Variants in SAFB2 observed in about 807,000 individuals in gnomAD.
SAFB2 encodes scaffold attachment factor B2.
Under a neutral mutation model 100.6 loss-of-function variants are expected in SAFB2, and 32 were observed. The observed-to-expected ratio is 0.32, with a 90% CI of 0.24 to 0.43. The LOEUF (loss-of-function observed/expected upper bound fraction) is 0.43. SAFB2 is among the 20% of genes least tolerant of loss of function. The probability of loss-of-function intolerance (pLI) is 1.00; values close to 1 mark genes in which losing one functional copy is unlikely to be tolerated. For missense variants in SAFB2, 1,185 were observed against 1,163.4 expected, an observed-to-expected ratio of 1.02 and a Z score of -0.27; for synonymous variants, 500 against 439.4, an observed-to-expected ratio of 1.14 and a Z score of -1.72.
chr19:5,610,894 G>A (rs935479388), intron 7 of SAFB2: 2 of 793,436 alleles, frequency 2.5e-6, no homozygotes, highest in South Asian at 3.9e-5. Flanking sequence ...TTTAGCTGAA[G>A]ATAACAATTA....
Position 5,594,162 on chromosome 19 carries a change from C to G in SAFB2, c.1936G>C (p.Glu646Gln), listed in dbSNP as rs778384530. 6.9e-6 allele frequency: 11 copies of G among 1,597,274 alleles called. No homozygotes were observed. The highest frequency in any genetic ancestry group is 9.3e-6 in the Non-Finnish European group (11 of 1,177,412). The change falls in exon 15 of 21, where the codon GAG becomes CAG. Residue 646 changes from glutamate (E) to glutamine (Q), a missense_variant. Transcript: ENST00000252542. ...TERRREREQR[E>Q]REQRLEAFHE... The stretch of plus-strand genomic sequence containing the variant: ...AAGGCCTCGAGGCGTTGCTCCCGCT[C>G]CCGCTGCTCGCGCTCCCTGCGGGGA...
chr19:5,618,536 T>G (rs1262212250), intron 2 of SAFB2, among the ~76,000 whole-genome samples: 1 of 152,226 alleles, frequency 6.6e-6, no homozygotes, highest in Non-Finnish European at 1.5e-5. Flanking sequence ...GCAGGTTTTA[T>G]TATCTGCATT....
intron 13 of SAFB2, 121 bp from the exon 14 acceptor site, chr19:5,595,618 T>A: frequency 1.6e-6 from 2 of 1,261,472 alleles, no homozygotes; most frequent in East Asian, 2.5e-5. Flanking sequence ...GATGGAAGGC[T>A]GTGGTCTCCA....
chr19:5,617,413 T>C (rs934488689), intron 2 of SAFB2, among the ~76,000 whole-genome samples: 9 of 152,148 alleles, frequency 5.9e-5, no homozygotes, highest in African/African-American at 2.2e-4. Flanking sequence ...AGTGGAAACC[T>C]TGAGAAGAAA....
At chr19:5,602,787 C>G (rs2052690897) in intron 11 of SAFB2, among the ~76,000 whole-genome samples, 1 of 152,190 alleles carries the variant, frequency 6.6e-6, no homozygotes, top group African/African-American at 2.4e-5. Context: ...CGCAAGATAC[C>G]AAGAACACCG....
chr19:5,592,770 C>T lies in SAFB2; in HGVS notation c.2325G>A (p.Gln775=), dbSNP rs774370639. 3.1e-6 allele frequency: 5 copies of T among 1,614,066 alleles called. No homozygotes were observed. Among genetic ancestry groups the T allele is most frequent in the Non-Finnish European group, 4.2e-6 (5 of 1,180,036 alleles). The change falls in exon 16 of 21, where the codon CAG becomes CAA. Residue 775 remains glutamine (Q), a synonymous_variant. Transcript: ENST00000252542. ...ACCTGTCGATGGCGTGGTCCTGGTACTGGCCCCGGTCTCGATGATCGAAGT... is the reference window on the plus strand; with the variant it reads ...ACCTGTCGATGGCGTGGTCCTGGTATTGGCCCCGGTCTCGATGATCGAAGT... ...FHDFDHRDRG[Q]YQDHAIDRRE...
At position 5,588,060 on chromosome 19, in the gene SAFB2, T is replaced by A; in HGVS notation, c.2526-80A>T. On this transcript the variant is annotated intron_variant, in intron 18 of 20. Transcript: ENST00000252542. ...GGCAGCAGGCGCACCCACCCTGACC[T>A]CAGCTGCATGGTGGGTCATGCCACA... The A allele has an allele frequency of 4.8e-6, 6 of 1,257,476 alleles. No individual in the cohort carries two copies. The South Asian group carries it at 7.1e-5, about 15-fold the overall frequency. 77.9% of individuals were successfully genotyped at this position (1,257,476 alleles called of 1,614,324 possible).
Position 5,611,527 on chromosome 19 carries a change from G to A in SAFB2, c.738C>T (p.Ser246=). Residue 246 remains serine (S), a synonymous_variant, in exon 7 of 21, where the codon AGC becomes AGT. Coordinates refer to ENST00000252542, the MANE Select transcript of SAFB2 (RefSeq NM_014649.3). Reference sequence around the variant, plus strand: ...CCGCAAGCTTTCTGTCTGGCCCCACGCTACTTGTGTCCTGTGCAAATGGCT... The same window carrying A: ...CCGCAAGCTTTCTGTCTGGCCCCACACTACTTGTGTCCTGTGCAAATGGCT... ...LEQPFAQDTS[S]VGPDRKLAEE... The A allele has an allele frequency of 2.2e-6, 1 of 454,528 alleles. No individual in the cohort carries two copies. The highest frequency in any genetic ancestry group is 4.8e-5 in the Admixed American group (1 of 20,804). 28.2% of individuals were successfully genotyped at this position (454,528 alleles called of 1,614,324 possible).
chr19:5,591,626 G>A (rs1429736298), intron 17 of SAFB2, 122 bp downstream of exon 17: 13 of 855,578 alleles, frequency 1.5e-5, no homozygotes, highest in Admixed American at 4.4e-5. Flanking sequence ...TTGCATACCC[G>A]CCACACGTGC....
At chr19:5,589,584 C>A (rs2052343437) in intron 18 of SAFB2, among the ~76,000 whole-genome samples, 1 of 152,118 alleles carries the variant, frequency 6.6e-6, no homozygotes. Flanking sequence ...TGCCACCAGC[C>A]TCCTCACGGC....
intron 15 of SAFB2, 68 bp from the exon 16 acceptor site, chr19:5,592,955 G>A (rs2052446309): frequency 2.0e-6 from 3 of 1,512,612 alleles, no homozygotes; most frequent in Admixed American, 1.8e-5. Flanking sequence ...AAAGGAGGAG[G>A]TGGAGGTGGG....
intron 13 of SAFB2, among the ~76,000 whole-genome samples, chr19:5,597,232 C>T (rs2145326368): frequency 6.6e-6 from 1 of 152,248 alleles, no homozygotes; most frequent in African/African-American, 2.4e-5. Flanking sequence ...TTTAAGTCCC[C>T]TCCACAACCT....
intron 1 of SAFB2, among the ~76,000 whole-genome samples, chr19:5,621,800 C>T (rs1363383094): frequency 6.6e-6 from 1 of 152,254 alleles, no homozygotes; most frequent in African/African-American, 2.4e-5. Flanking sequence ...TGGGGAGATT[C>T]AACAGGTCCC....
At position 5,592,757 on chromosome 19, in the gene SAFB2, C is replaced by T. The variant is rs1568207457; in HGVS notation, c.2338G>A (p.Ala780Thr). 5.6e-6 allele frequency: 9 copies of T among 1,613,944 alleles called. No homozygotes were observed. The highest frequency in any genetic ancestry group is 2.7e-5 in the African/African-American group (2 of 74,914). The change falls in exon 16 of 21, where the codon GCC (alanine) becomes ACC (threonine). Residue 780 changes from alanine (A) to threonine (T), a missense_variant. Physicochemically the swap from Ala to Thr is moderately conservative, Grantham distance 58. Coordinates refer to ENST00000252542, the MANE Select transcript of SAFB2 (RefSeq NM_014649.3). ...GACAAGACCACTGACCTGTCGATGG[C>T]GTGGTCCTGGTACTGGCCCCGGTCT... is the stretch of plus-strand genomic sequence containing the variant. ...HRDRGQYQDH[A>T]IDRREGSRPM...
At chr19:5,588,645 C>T (rs1466400875) in intron 18 of SAFB2, among the ~76,000 whole-genome samples, 5 of 152,040 alleles carry the variant, frequency 3.3e-5, no homozygotes, top group African/African-American at 2.4e-5. Context: ...GCAGGCACAC[C>T]GCGCAGGCCA....
chr19:5,613,876 T>C (rs557850683), intron 4 of SAFB2, among the ~76,000 whole-genome samples: 1 of 152,146 alleles, frequency 6.6e-6, no homozygotes, highest in Admixed American at 6.5e-5. Flanking sequence ...AATGCACCCC[T>C]CCAATTTCAC....
intron 1 of SAFB2, 119 bp from the exon 2 acceptor site, chr19:5,621,515 G>T (rs142680456): frequency 2.7e-6 from 2 of 738,952 alleles, no homozygotes; most frequent in East Asian, 5.0e-5. Context: ...GAGCAACTCC[G>T]GGTCAGCTAT....
chr19:5,598,786 TACTC>T lies in SAFB2; in HGVS notation c.1782+3_1782+6del, dbSNP rs2052588864. ...GCTGGCCCTGAGATGGCAGAGGCAA[TACTC>T]ACTCTCTCTTTGGACCTGCTTGTGG... On this transcript the variant is annotated splice_donor_5th_base_variant and intron_variant, in intron 13 of 20. Transcript: ENST00000252542. The T allele has an allele frequency of 6.2e-7, 1 of 1,613,090 alleles. No individual in the cohort carries two copies. Among genetic ancestry groups the T allele is most frequent in the Non-Finnish European group, 8.5e-7 (1 of 1,179,002 alleles).
intron 13 of SAFB2, among the ~76,000 whole-genome samples, chr19:5,597,487 G>T (rs1378628617): frequency 2.6e-5 from 4 of 152,148 alleles, no homozygotes; most frequent in Admixed American, 2.0e-4. Context: ...AACCGTATGT[G>T]TCTGTATGTA....
Sources: gnomAD v4.1 joint callset for allele counts (sites outside exome capture counted in the v4.1 genomes callset) on GRCh38, gnomAD v4.1.1 for gene constraint, MANE v1.5 for transcripts, NCBI Gene and HGNC (gene_info 2026-07-23, HGNC 2026-07-21) for gene names.